FCRLA: variants seen among roughly 807,000 people sequenced by gnomAD.
The protein encoded by FCRLA is Fc receptor-like A.
Under a neutral mutation model 28.4 loss-of-function variants are expected in FCRLA, and 26 were observed. The ratio of observed to expected loss-of-function variants is 0.91; its 90% CI spans 0.67 to 1.27. The LOEUF (loss-of-function observed/expected upper bound fraction) is 1.27, where lower values mean the gene tolerates loss of function less well. Among genes scored for constraint, FCRLA ranks in the 50% most tolerant of loss-of-function variants. The pLI is 0.00. For synonymous variants in FCRLA, 174 were observed against 168.5 expected (o/e 1.03, Z -0.25); for missense variants, 422 against 433.1 (o/e 0.97, Z 0.23).
chr1:161,708,796 T>C (rs1457114249), intron 1 of FCRLA, among the ~76,000 whole-genome samples: 1 of 152,222 alleles, frequency 6.6e-6, no homozygotes, highest in African/African-American at 2.4e-5. Flanking sequence ...TTCTTTCTGC[T>C]CCAATGGCTG....
At chr1:161,707,989 T>C (rs1241866487) in intron 1 of FCRLA, among the ~76,000 whole-genome samples, 2 of 152,226 alleles carry the variant, frequency 1.3e-5, no homozygotes, top group African/African-American at 2.4e-5. Flanking sequence ...TGAGCTTATT[T>C]GTCTGTTTAA....
chr1:161,712,161 G>C lies in FCRLA; in HGVS notation c.727G>C (p.Ala243Pro). ...DHSGSYWCEA[A>P]TEDNQVWKQS... ...CTCCGGGTCATACTGGTGTGAGGCA[G>C]CCACTGAGGACAACCAAGTTTGGAA... Residue 243 changes from alanine to proline, a missense_variant, in exon 4 of 5, where the codon GCC (alanine) becomes CCC (proline). Coordinates refer to ENST00000236938, the MANE Select transcript of FCRLA (RefSeq NM_032738.4). 1 of 1,614,212 alleles carries C rather than the reference G, an allele frequency of 6.2e-7. No individual in the cohort carries two copies. Among genetic ancestry groups the C allele is most frequent in the Admixed American group, 1.7e-5 (1 of 60,020 alleles).
intron 1 of FCRLA, among the ~76,000 whole-genome samples, chr1:161,708,608 T>C (rs544851370): frequency 3.7e-4 from 56 of 152,348 alleles, no homozygotes; most frequent in Non-Finnish European, 6.5e-4. Flanking sequence ...AATCAGTTCA[T>C]ATTTACATAC....
At position 161,711,453 on chromosome 1, in the gene FCRLA, G is replaced by A; in HGVS notation, c.478G>A (p.Val160Ile). Residue 160 changes from valine to isoleucine, a missense_variant, in exon 3 of 5, where the codon GTT (valine) becomes ATT (isoleucine). Physicochemically the swap from Val to Ile is conservative, Grantham distance 29 (BLOSUM62 3). Coordinates refer to ENST00000236938, the MANE Select transcript of FCRLA (RefSeq NM_032738.4). ...PGPGIPETAS[V>I]VAITVQELFP... ...TCCTGGGATCCCAGAAACAGCATCT[G>A]TTGTGGCTATCACAGTCCAAGGTGA... 1 of 1,614,010 alleles carries A rather than the reference G, an allele frequency of 6.2e-7. No individual in the cohort carries two copies. Among genetic ancestry groups the A allele is most frequent in the Non-Finnish European group, 8.5e-7 (1 of 1,179,910 alleles).
chr1:161,707,491 G>T (rs1281974317), intron 1 of FCRLA, 148 bp downstream of exon 1: 1 of 851,454 alleles, frequency 1.2e-6, no homozygotes, highest in African/African-American at 1.8e-5. Flanking sequence ...AAGAAAGTTT[G>T]GTGTACAGGA....
At position 161,710,917 on chromosome 1, in the gene FCRLA, G is replaced by A. The variant is rs1221684895; in HGVS notation, c.232+5G>A. ...TCCACCTGATTGTGTCCTATGGTGA[G>A]GTCCTGGGAAGGCCTGAGCAGTGCC... On this transcript the variant is annotated splice_donor_5th_base_variant and intron_variant, in intron 2 of 4. Transcript: ENST00000236938. The A allele has an allele frequency of 1.2e-6, 2 of 1,612,614 alleles. No individual in the cohort carries two copies. The highest frequency in any genetic ancestry group is 1.1e-5 in the South Asian group (1 of 91,008).
chr1:161,708,148 GT>G (rs1682921465), intron 1 of FCRLA, among the ~76,000 whole-genome samples: 1 of 152,168 alleles, frequency 6.6e-6, no homozygotes, highest in African/African-American at 2.4e-5. Context: ...TGTGACTAGA[GT>G]TGAACTTATC....
chr1:161,712,348 A>C, intron 4 of FCRLA, 130 bp downstream of exon 4: 1 of 1,063,840 alleles, frequency 9.4e-7, no homozygotes, highest in South Asian at 1.6e-5. Context: ...GGGGGCAGGA[A>C]CAATGGGCCA....
chr1:161,709,439 T>C (rs1438060384), intron 1 of FCRLA, among the ~76,000 whole-genome samples: 1 of 152,198 alleles, frequency 6.6e-6, no homozygotes, highest in Non-Finnish European at 1.5e-5. Flanking sequence ...GATAAGATTT[T>C]ATTTTTAAAA....
Position 161,711,931 on chromosome 1 carries a change from C to A in FCRLA, c.500-3C>A, listed in dbSNP as rs371762388. 1 of 1,602,880 alleles carries A rather than the reference C, an allele frequency of 6.2e-7. No homozygotes were observed. Among genetic ancestry groups the A allele is most frequent in the South Asian group, 1.1e-5 (1 of 89,762 alleles). ...TCTTCTTTCCTGCCTATCTTTTTCC[C>A]AGAACTGTTTCCAGCGCCAATTCTC... is the stretch of plus-strand genomic sequence containing the variant. On this transcript the variant is annotated splice_region_variant and splice_polypyrimidine_tract_variant and intron_variant, in intron 3 of 4. Transcript: ENST00000236938.
intron 1 of FCRLA, among the ~76,000 whole-genome samples, chr1:161,708,649 G>A (rs771874924): frequency 2.0e-5 from 3 of 152,064 alleles, no homozygotes; most frequent in Admixed American, 6.5e-5. Context: ...TGTCTCTAAG[G>A]CTTTGCTTAT....
At position 161,713,487 on chromosome 1, in the gene FCRLA, C is replaced by T; in HGVS notation, c.*107C>T. On this transcript the variant is annotated 3_prime_UTR_variant, in exon 5 of 5. Transcript: ENST00000236938. The stretch of plus-strand genomic sequence containing the variant: ...GCATAAGTACTTTTACAAGTTGTCC[C>T]AGTGTTTTGTTAGAATAATGTAGTT... The T allele has an allele frequency of 1.1e-6, 1 of 927,760 alleles. No homozygotes were observed. Among genetic ancestry groups the T allele is most frequent in the Non-Finnish European group, 1.6e-6 (1 of 615,538 alleles). 57.5% of individuals were successfully genotyped at this position (927,760 alleles called of 1,614,324 possible).
chr1:161,710,864 G>C lies in FCRLA; in HGVS notation c.184G>C (p.Val62Leu). 6.2e-7 allele frequency: 1 copy of C among 1,613,836 alleles called. No homozygotes were observed. ...TGATGCAAGGGAAGCTGGCTTCCAG[G>C]TCAAGGCCTACACTTTCAGTGAACC... ...LTDAREAGFQ[V>L]KAYTFSEPFH... The change falls in exon 2 of 5, where the codon GTC becomes CTC. Residue 62 changes from valine (V) to leucine (L), a missense_variant. Around this residue, in one of 3 missense-constraint regions of FCRLA, gnomAD observed 231 missense variants for 214.6 expected, o/e 1.08. Transcript: ENST00000236938.
At chr1:161,710,997 T>C (rs923859030) in intron 2 of FCRLA, 85 bp downstream of exon 2, 2 of 1,564,630 alleles carry the variant, frequency 1.3e-6, no homozygotes, top group Non-Finnish European at 1.7e-6. Context: ...CCTAGGAAAT[T>C]GGCTATGGGA....
At chr1:161,708,755 G>A (rs551916011) in intron 1 of FCRLA, among the ~76,000 whole-genome samples, 1 of 152,080 alleles carries the variant, frequency 6.6e-6, no homozygotes, top group Non-Finnish European at 1.5e-5. Context: ...AGCTTAAATG[G>A]TATCTTTTCC....
At position 161,713,761 on chromosome 1, in the gene FCRLA, G is replaced by C. The variant is rs983628032; in HGVS notation, c.*381G>C. The C allele has an allele frequency of 5.9e-6, 1 of 169,452 alleles. No homozygotes were observed. The highest frequency in any genetic ancestry group is 1.3e-5 in the Non-Finnish European group (1 of 79,730). The allele number at this position is 169,452 out of a possible 1,614,324, so 10.5% of individuals were successfully genotyped here. ...ACATTTTGGTCATTATACTTGGGGG[G>C]TTGGGGGATGGTGGGATGTGTGTGC... On this transcript the variant is annotated 3_prime_UTR_variant, in exon 5 of 5. Transcript: ENST00000236938.
intron 4 of FCRLA, 73 bp downstream of exon 4, chr1:161,712,291 A>G: frequency 6.5e-7 from 1 of 1,532,692 alleles, no homozygotes; most frequent in Non-Finnish European, 8.8e-7. Flanking sequence ...GGATAAATTG[A>G]CCTGTGAGCT....
In FCRLA at chr1:161,712,853, G is replaced by A. The variant is rs556750872; in HGVS notation, c.785-232G>A. On this transcript the variant is annotated intron_variant, in intron 4 of 4. Coordinates refer to ENST00000236938, the MANE Select transcript of FCRLA (RefSeq NM_032738.4). ...TTCAGCCTTGATAGAGAAAGAACTG[G>A]CTAATAGTTATAGCTGTCCAGTGGT... Among the ~76,000 whole-genome samples, 4 of 152,288 alleles carry A rather than the reference G, an allele frequency of 2.6e-5. No individual in the cohort carries two copies. In the South Asian group the frequency reaches 8.3e-4, roughly 32 times the overall value.
In FCRLA at chr1:161,710,796, T is replaced by G; in HGVS notation, c.116T>G (p.Val39Gly). The G allele has an allele frequency of 6.2e-7, 1 of 1,614,116 alleles. No individual in the cohort carries two copies. Among genetic ancestry groups the G allele is most frequent in the Non-Finnish European group, 8.5e-7 (1 of 1,180,028 alleles). The change falls in exon 2 of 5, where the codon GTC (valine) becomes GGC (glycine). Residue 39 changes from valine (V) to glycine (G), a missense_variant. Transcript: ENST00000236938. ...GAGACGCTGCAGTGTGAGGGACCTG[T>G]CTGCACTGAGGAGAGCAGCTGCCAC... ...SFETLQCEGP[V>G]CTEESSCHTE...
Sources: gnomAD v4.1 joint callset for allele counts (sites outside exome capture counted in the v4.1 genomes callset) on GRCh38, gnomAD v4.1.1 for gene constraint, gnomAD v4.1.1 regional missense constraint, MANE v1.5 for transcripts, NCBI Gene and HGNC (gene_info 2026-07-23, HGNC 2026-07-21) for gene names.